DCC: variants seen among roughly 807,000 people sequenced by gnomAD.
DCC encodes the protein netrin receptor DCC.
Under a neutral mutation model 172.5 loss-of-function variants are expected in DCC, and 58 were observed. The ratio of observed to expected loss-of-function variants is 0.34; its 90% CI spans 0.27 to 0.42. DCC has a LOEUF of 0.42. Ranked by LOEUF, DCC falls within the 10% of genes least tolerant of loss-of-function variation. DCC has a pLI of 1.00. For missense variants in DCC, 1,740 were observed against 1,791.0 expected (o/e 0.97, Z 0.51); for synonymous variants, 709 against 644.5 (o/e 1.10, Z -1.52).
intron 7 of DCC, among the ~76,000 whole-genome samples, chr18:53,076,481 T>C (rs2042726274): frequency 6.6e-6 from 1 of 152,188 alleles, no homozygotes; most frequent in Non-Finnish European, 1.5e-5. Flanking sequence ...CTGAAGGCTT[T>C]ACTTTGGCTG....
chr18:53,071,034 A>C (rs1312898130), intron 7 of DCC, among the ~76,000 whole-genome samples: 1 of 152,198 alleles, frequency 6.6e-6, no homozygotes, highest in Non-Finnish European at 1.5e-5. Flanking sequence ...GTGGGCGTGC[A>C]TTACCCAGCT....
chr18:52,758,736 G>A (rs145770923), intron 2 of DCC: 1 of 151,280 alleles, frequency 6.6e-6, no homozygotes, highest in Non-Finnish European at 1.5e-5. Context: ...TCACTCAAAT[G>A]TTATATAAAG....
chr18:52,782,573 C>G (rs1329331051), intron 2 of DCC, among the ~76,000 whole-genome samples: 1 of 152,124 alleles, frequency 6.6e-6, no homozygotes, highest in Non-Finnish European at 1.5e-5. Flanking sequence ...CCCTTTCTAG[C>G]CAAGGACTTG....
chr18:53,339,639 T>G, intron 14 of DCC, 74 bp from the exon 15 acceptor site: 1 of 1,116,138 alleles, frequency 9.0e-7, no homozygotes, highest in Non-Finnish European at 1.4e-6. Flanking sequence ...TGATTTCTCT[T>G]GCTTAAATGG....
chr18:52,765,772 G>A lies in DCC; in HGVS notation c.412+13398G>A, dbSNP rs189228853. 2.0e-3 allele frequency among the ~76,000 whole-genome samples: 310 copies of A among 152,324 alleles called. 1 individual carries two copies. Among genetic ancestry groups the A allele is most frequent in the African/African-American group, 7.1e-3 (295 of 41,576 alleles). On this transcript the variant is annotated intron_variant, in intron 2 of 28. Transcript: ENST00000442544. ...TGTGTGGGGTAACACGGTGGTTAGGGACACAGGCTTCAGAGCTAGTCAGCC... is the reference window on the plus strand; with the variant it reads ...TGTGTGGGGTAACACGGTGGTTAGGAACACAGGCTTCAGAGCTAGTCAGCC...
At chr18:52,718,214 A>G (rs2036417939) in intron 1 of DCC, among the ~76,000 whole-genome samples, 1 of 87,582 alleles carries the variant, frequency 1.1e-5, no homozygotes, top group Non-Finnish European at 2.4e-5. Context: ...TTTATCAGAA[A>G]GTAAGAAGGT....
intron 27 of DCC, among the ~76,000 whole-genome samples, chr18:53,508,991 T>C (rs1009311926): frequency 1.3e-5 from 2 of 152,170 alleles, no homozygotes; most frequent in South Asian, 4.1e-4. Flanking sequence ...GTGTACAGAT[T>C]AGGTGGTCAC....
chr18:53,305,462 C>G (rs762770884), intron 12 of DCC, 116 bp from the exon 13 acceptor site: 1 of 826,020 alleles, frequency 1.2e-6, no homozygotes. Context: ...AAGTGGCAAT[C>G]GCTAACACTT....
intron 1 of DCC, among the ~76,000 whole-genome samples, chr18:52,645,782 A>G (rs2035007139): frequency 6.6e-6 from 1 of 152,246 alleles, no homozygotes; most frequent in African/African-American, 2.4e-5. Flanking sequence ...AGCTCTAACA[A>G]GGAAAACTTA....
At chr18:52,889,104 A>G (rs566891942) in intron 2 of DCC, among the ~76,000 whole-genome samples, 3 of 152,240 alleles carry the variant, frequency 2.0e-5, no homozygotes, top group East Asian at 3.9e-4. Flanking sequence ...TCAATCATCA[A>G]TTAAAGATTA....
intron 7 of DCC, among the ~76,000 whole-genome samples, chr18:53,143,368 G>A (rs2043858833): frequency 6.6e-6 from 1 of 152,174 alleles, no homozygotes; most frequent in East Asian, 1.9e-4. Context: ...CTCCTTTTGA[G>A]AATACAGGTT....
intron 1 of DCC, among the ~76,000 whole-genome samples, chr18:52,622,417 A>G (rs1236296): frequency 0.34 from 52,275 of 152,072 alleles, 9,231 homozygotes; most frequent in Non-Finnish European, 0.38. Context: ...GGTAGTCCGG[A>G]CTGGGTCCCA....
At chr18:52,851,513 T>A (rs565066228) in intron 2 of DCC, among the ~76,000 whole-genome samples, 50 of 152,182 alleles carry the variant, frequency 3.3e-4, no homozygotes, top group African/African-American at 1.2e-3. Context: ...CAGAAAAATA[T>A]TTGGTTAAAA....
intron 16 of DCC, among the ~76,000 whole-genome samples, chr18:53,387,274 T>A (rs1908231171): frequency 1.3e-5 from 2 of 152,230 alleles, no homozygotes; most frequent in Non-Finnish European, 2.9e-5. Flanking sequence ...GTTCTTTGAA[T>A]TCATAATTGT....
chr18:52,970,286 A>G (rs1013617935), intron 5 of DCC, among the ~76,000 whole-genome samples: 1 of 152,136 alleles, frequency 6.6e-6, no homozygotes. Context: ...CACTGTAATT[A>G]TAGGTGGCAT....
chr18:52,342,112 C>G (rs1983665579), intron 1 of DCC, among the ~76,000 whole-genome samples: 1 of 152,210 alleles, frequency 6.6e-6, no homozygotes, highest in African/African-American at 2.4e-5. Context: ...AAATGCGCCT[C>G]TCACTGTCGC....
chr18:53,361,162 T>A (rs903467815), intron 15 of DCC, among the ~76,000 whole-genome samples: 4 of 152,088 alleles, frequency 2.6e-5, no homozygotes, highest in African/African-American at 9.7e-5. Flanking sequence ...TGACAAGGAA[T>A]TAGGATCCAG....
At chr18:53,212,423 G>C (rs1255468471) in intron 11 of DCC, among the ~76,000 whole-genome samples, 2 of 151,894 alleles carry the variant, frequency 1.3e-5, no homozygotes, top group African/African-American at 4.8e-5. Context: ...AGCATCTATT[G>C]TATCTATCTA....
chr18:52,584,364 A>G lies in DCC; in HGVS notation c.92-167690A>G, dbSNP rs147228099. ...ATACAGTAAGAACATTAGATCCAACATTATATGTGAAGATATTGATTTGAT... is the reference window on the plus strand; with the variant it reads ...ATACAGTAAGAACATTAGATCCAACGTTATATGTGAAGATATTGATTTGAT... On this transcript the variant is annotated intron_variant, in intron 1 of 28. Coordinates refer to ENST00000442544, the MANE Select transcript of DCC (RefSeq NM_005215.4). 2.5e-3 allele frequency among the ~76,000 whole-genome samples: 380 copies of G among 152,306 alleles called. 4 individuals are homozygous for G. Among genetic ancestry groups the G allele is most frequent in the South Asian group, 0.019 (94 of 4,822 alleles).
Sources: allele counts gnomAD v4.1 joint callset (sites outside exome capture counted in the v4.1 genomes callset), GRCh38; gene constraint gnomAD v4.1.1; transcripts MANE v1.5; gene names NCBI Gene and HGNC (gene_info 2026-07-23, HGNC 2026-07-21).